GRB14: variants seen among roughly 807,000 people sequenced by gnomAD.
GRB14 encodes the protein growth factor receptor-bound protein 14.
GRB14 carries 38 observed loss-of-function variants against 69.1 expected under a neutral mutation model. That is an observed-to-expected ratio of 0.55 (90% CI 0.42 to 0.72). GRB14 has a LOEUF of 0.72. Among genes scored for constraint, GRB14 ranks in the 30% least tolerant of loss-of-function variants. The probability of loss-of-function intolerance (pLI) is 0.00; values close to 1 mark genes in which losing one functional copy is unlikely to be tolerated. For missense variants in GRB14, 666 were observed against 666.1 expected (o/e 1.00, Z 0.00); for synonymous variants, 247 against 241.3 (o/e 1.02, Z -0.22).
chr2:164,499,616 A>G (rs1003344492), intron 9 of GRB14, among the ~76,000 whole-genome samples: 1 of 152,278 alleles, frequency 6.6e-6, no homozygotes, highest in East Asian at 1.9e-4. Flanking sequence ...GCCCTAAAAA[A>G]GGGGTCCATG....
chr2:164,573,972 C>T, intron 2 of GRB14: 1 of 1,599,944 alleles, frequency 6.3e-7, no homozygotes, highest in Non-Finnish European at 8.6e-7. Flanking sequence ...AAAAGCCTTT[C>T]CTTTAGAAGC....
Position 164,544,931 on chromosome 2 carries a change from A to T in GRB14, c.481+2729T>A, listed in dbSNP as rs563096963. On this transcript the variant is annotated intron_variant, in intron 3 of 13. Transcript: ENST00000263915. ...CACTTCCCAAATCTTTAAAAAATGAATCCTTCTAAGAACACACCTTTTCTG... is the reference window on the plus strand; with the variant it reads ...CACTTCCCAAATCTTTAAAAAATGATTCCTTCTAAGAACACACCTTTTCTG... 3.3e-5 allele frequency among the ~76,000 whole-genome samples: 5 copies of T among 152,358 alleles called. No individual in the cohort carries two copies. The East Asian group carries it at 9.6e-4, about 29-fold the overall frequency.
intron 8 of GRB14, 73 bp downstream of exon 8, chr2:164,508,382 G>T: frequency 8.2e-7 from 1 of 1,212,630 alleles, no homozygotes; most frequent in Non-Finnish European, 1.2e-6. Flanking sequence ...TTCACGTTCT[G>T]AAATACAGAT....
intron 3 of GRB14, among the ~76,000 whole-genome samples, chr2:164,544,403 C>T (rs758795342): frequency 6.6e-6 from 1 of 150,512 alleles, no homozygotes; most frequent in Non-Finnish European, 1.5e-5. Flanking sequence ...GTGACTATAA[C>T]AAAAAAAAAT....
chr2:164,602,682 C>CAGA (rs1200518588), intron 2 of GRB14, among the ~76,000 whole-genome samples: 1 of 152,144 alleles, frequency 6.6e-6, no homozygotes, highest in Non-Finnish European at 1.5e-5. Flanking sequence ...CAAGTATATA[C>CAGA]AGAAGACTTA....
chr2:164,608,245 G>A (rs1451495999), intron 2 of GRB14, among the ~76,000 whole-genome samples: 2 of 152,054 alleles, frequency 1.3e-5, no homozygotes. Flanking sequence ...GGCGGCGAGT[G>A]CCCATAATCC....
intron 2 of GRB14, among the ~76,000 whole-genome samples, chr2:164,566,768 A>C (rs1186669622): frequency 6.6e-6 from 1 of 152,134 alleles, no homozygotes; most frequent in Non-Finnish European, 1.5e-5. Flanking sequence ...TAACCATGAA[A>C]ATATAAAATA....
At chr2:164,612,793 G>A (rs1690198094) in intron 2 of GRB14, among the ~76,000 whole-genome samples, 1 of 152,086 alleles carries the variant, frequency 6.6e-6, no homozygotes, top group Non-Finnish European at 1.5e-5. Flanking sequence ...ACCAGAAGCT[G>A]AGATTTCAAT....
At chr2:164,599,208 C>T (rs908269870) in intron 2 of GRB14, among the ~76,000 whole-genome samples, 4 of 152,116 alleles carry the variant, frequency 2.6e-5, no homozygotes, top group African/African-American at 9.7e-5. Context: ...GATAAGGTAG[C>T]TCAGGGTTCC....
Position 164,600,552 on chromosome 2 carries a change from C to A in GRB14, c.324+19135G>T, listed in dbSNP as rs149050717. On this transcript the variant is annotated intron_variant, in intron 2 of 13. Coordinates refer to ENST00000263915, the MANE Select transcript of GRB14 (RefSeq NM_004490.3). ...CTGCCCCAGAATTATAAGAATCTCC[C>A]GGCAGGTACTTGTTAAAGGTTTTAA... Among the ~76,000 whole-genome samples the A allele has an allele frequency of 1.4e-3, 215 of 152,060 alleles. 3 individuals are homozygous for A. The East Asian group carries it at 0.038, about 27-fold the overall frequency.
rs1325094994 is a variant in GRB14 at position 164,521,985 on chromosome 2, A to T, written c.811T>A (p.Ser271Thr). ...SGLYFSTKGT[S>T]KEPRHLQFFS... ...TCATGGATACTTCAATTTACCTTTG[A>T]TGTTCCTTTAGTAGAAAAATATAAA... Residue 271 changes from serine (S) to threonine (T), a missense_variant, in exon 6 of 14, where the codon TCA (serine) becomes ACA (threonine). Ser to Thr is a moderately conservative substitution (Grantham distance 58). Coordinates refer to ENST00000263915, the MANE Select transcript of GRB14 (RefSeq NM_004490.3). The T allele has an allele frequency of 6.3e-7, 1 of 1,599,454 alleles. No individual in the cohort carries two copies. Among genetic ancestry groups the T allele is most frequent in the South Asian group, 1.1e-5 (1 of 89,508 alleles).
At chr2:164,573,651 T>C in intron 2 of GRB14, 1 of 1,559,306 alleles carries the variant, frequency 6.4e-7, no homozygotes. Context: ...TCATCTTTTC[T>C]TTATGGTTCT....
At chr2:164,538,363 G>T (rs1688137460) in intron 3 of GRB14, among the ~76,000 whole-genome samples, 1 of 152,110 alleles carries the variant, frequency 6.6e-6, no homozygotes, top group South Asian at 2.1e-4. Context: ...AAGTTTCAGA[G>T]GACTTGAAGC....
chr2:164,599,589 T>C (rs1386934794), intron 2 of GRB14, among the ~76,000 whole-genome samples: 1 of 152,208 alleles, frequency 6.6e-6, no homozygotes, highest in Non-Finnish European at 1.5e-5. Flanking sequence ...AGCTCAAGTT[T>C]ATTTATTCTA....
intron 3 of GRB14, among the ~76,000 whole-genome samples, chr2:164,532,146 G>A (rs2105294297): frequency 6.6e-6 from 1 of 152,262 alleles, no homozygotes; most frequent in South Asian, 2.1e-4. Flanking sequence ...GAGGAGTGAA[G>A]GTAGGTCTAA....
intron 2 of GRB14, among the ~76,000 whole-genome samples, chr2:164,556,108 T>G (rs1334873773): frequency 3.9e-5 from 6 of 152,128 alleles, no homozygotes; most frequent in African/African-American, 1.4e-4. Flanking sequence ...AGTAGTTCCC[T>G]TGAAAGAAAA....
chr2:164,523,910 AAT>A (rs1272001055), intron 5 of GRB14, among the ~76,000 whole-genome samples: 2 of 152,040 alleles, frequency 1.3e-5, no homozygotes, highest in African/African-American at 4.8e-5. Flanking sequence ...ACTGTGTTGT[AAT>A]ACAGTGGTGA....
At chr2:164,586,017 G>A (rs1574334535) in intron 2 of GRB14, among the ~76,000 whole-genome samples, 1 of 152,160 alleles carries the variant, frequency 6.6e-6, no homozygotes, top group Non-Finnish European at 1.5e-5. Flanking sequence ...TTTCAGTGCA[G>A]TATGTTACAC....
chr2:164,501,398 G>A (rs1485685686), intron 9 of GRB14, among the ~76,000 whole-genome samples: 2 of 151,964 alleles, frequency 1.3e-5, no homozygotes, highest in Admixed American at 1.3e-4. Flanking sequence ...TAACCTAAGT[G>A]AAAATGTAGA....
Sources: gnomAD v4.1 joint callset for allele counts (sites outside exome capture counted in the v4.1 genomes callset) on GRCh38, gnomAD v4.1.1 for gene constraint, MANE v1.5 for transcripts, NCBI Gene and HGNC (gene_info 2026-07-23, HGNC 2026-07-21) for gene names.